The following KDM5C variants were observed in gnomAD, a reference collection of about 807,000 sequenced individuals.
KDM5C encodes lysine demethylase 5C, also known as lysine-specific demethylase 5C.
A neutral mutation model predicts 110.6 loss-of-function variants in KDM5C; 16 were observed. The observed-to-expected ratio is 0.14, with a 90% CI of 0.10 to 0.22. The LOEUF (loss-of-function observed/expected upper bound fraction) is 0.22. KDM5C is among the 10% of genes least tolerant of loss of function. KDM5C has a pLI of 1.00. For missense variants in KDM5C, 681 were observed against 1,300.9 expected (o/e 0.52, Z 7.33); for synonymous variants, 511 against 520.4 (o/e 0.98, Z 0.24).
chrX:53,206,910 C>G (rs191768334), intron 12 of KDM5C, among the ~76,000 whole-genome samples: 1,138 of 93,523 alleles, frequency 0.012, 8 homozygotes, highest in Non-Finnish European at 0.02. Context: ...CACAGTGGCT[C>G]ATGCCTGTAA....
intron 5 of KDM5C, 117 bp downstream of exon 5, chrX:53,217,026 G>A (rs2073762134): frequency 2.2e-6 from 2 of 903,699 alleles, no homozygotes; most frequent in Non-Finnish European, 3.1e-6. Context: ...CTAATGCTCA[G>A]AAGAACTCAG....
At chrX:53,213,780 G>C (rs782731271) in intron 8 of KDM5C, among the ~76,000 whole-genome samples, 1 of 111,492 alleles carries the variant, frequency 9.0e-6, no homozygotes, top group South Asian at 3.7e-4. Context: ...ATTAAACTTA[G>C]TAATATAGAG....
chrX:53,211,473 C>G (rs782413109), intron 10 of KDM5C, 24 bp downstream of exon 10: 6 of 1,204,955 alleles, frequency 5.0e-6, no homozygotes, highest in Non-Finnish European at 6.7e-6. Flanking sequence ...ACAGCTGACA[C>G]GTAACCATGA....
At chrX:53,183,820 G>A (rs1246209584) in intron 25 of KDM5C, among the ~76,000 whole-genome samples, 1 of 111,218 alleles carries the variant, frequency 9.0e-6, no homozygotes, top group Non-Finnish European at 1.9e-5. Flanking sequence ...TGATCTGCCC[G>A]CCTCAGCCTC....
chrX:53,191,866 A>G, downstream of KDM5C: 1 of 175,913 alleles, frequency 5.7e-6, no homozygotes, highest in Non-Finnish European at 1.1e-5. Context: ...TCCCTTTGGG[A>G]GCTTGAGGAG....
downstream of KDM5C, among the ~76,000 whole-genome samples, chrX:53,188,437 G>A (rs111998764): frequency 3.6e-4 from 39 of 108,078 alleles, no homozygotes; most frequent in African/African-American, 9.2e-4. Context: ...GTGCAATGGC[G>A]CGATCTTGGC....
chrX:53,217,738 G>T, intron 4 of KDM5C, 58 bp downstream of exon 4: 1 of 1,152,473 alleles, frequency 8.7e-7, no homozygotes, highest in East Asian at 3.0e-5. Flanking sequence ...TTAAGAGCAA[G>T]TGTGGAAATC....
chrX:53,216,740 G>A (rs1286446209), intron 5 of KDM5C, among the ~76,000 whole-genome samples: 1 of 112,005 alleles, frequency 8.9e-6, no homozygotes, highest in Non-Finnish European at 1.9e-5. Context: ...AGGAGTTCAA[G>A]ATTATAGTGC....
At chrX:53,221,187 G>A (rs1353492103) in intron 1 of KDM5C, among the ~76,000 whole-genome samples, 3 of 108,449 alleles carry the variant, frequency 2.8e-5, no homozygotes, top group Non-Finnish European at 5.7e-5. Context: ...ACAGTGCCAG[G>A]ATTTCAAGAA....
chrX:53,190,877 T>G (rs1489670049), downstream of KDM5C, among the ~76,000 whole-genome samples: 1 of 111,800 alleles, frequency 8.9e-6, no homozygotes, highest in Non-Finnish European at 1.9e-5. Flanking sequence ...AGTGGCAGTG[T>G]GCTAAGCTCC....
chrX:53,176,637 C>G (rs1281753235), intron 25 of KDM5C, among the ~76,000 whole-genome samples: 1 of 111,835 alleles, frequency 8.9e-6, no homozygotes, highest in Non-Finnish European at 1.9e-5. Flanking sequence ...GAAAGGAACT[C>G]AGATAAAAAC....
At chrX:53,177,175 C>G (rs1337009274) in intron 25 of KDM5C, among the ~76,000 whole-genome samples, 1 of 111,465 alleles carries the variant, frequency 9.0e-6, no homozygotes, top group African/African-American at 3.3e-5. Context: ...CTTTCCTTTC[C>G]TTACTGTTCT....
downstream of KDM5C, among the ~76,000 whole-genome samples, chrX:53,186,946 G>T (rs188356810): frequency 1.1e-4 from 12 of 112,560 alleles, no homozygotes; most frequent in Non-Finnish European, 2.3e-4. Context: ...GGAATGGGCA[G>T]AGATATTCAC....
chrX:53,218,607 G>C lies in KDM5C; in HGVS notation c.229-209C>G, dbSNP rs781896932. ...GTTTTTGTTTTTTTGAGACGGTCTT[G>C]CTCTGTCGCCCAAGCTGGAATGGAG... is the stretch of plus-strand genomic sequence containing the variant. On this transcript the variant is annotated intron_variant, in intron 2 of 25. Coordinates refer to ENST00000375401, the MANE Select transcript of KDM5C (RefSeq NM_004187.5). 62 of 486,970 alleles carry C rather than the reference G, an allele frequency of 1.3e-4. No homozygotes were observed. In the East Asian group the frequency reaches 2.0e-3, roughly 15 times the overall value. 40.1% of individuals were successfully genotyped at this position (486,970 alleles called of 1,213,427 possible).
chrX:53,214,964 G>T, intron 7 of KDM5C, 117 bp from the exon 8 acceptor site: 1 of 757,146 alleles, frequency 1.3e-6, no homozygotes, highest in Non-Finnish European at 2.0e-6. Context: ...CTGCACGTAT[G>T]TACCATCTCC....
Position 53,181,272 on chromosome X carries a change from G to C in KDM5C, c.4309-4650C>G, listed in dbSNP as rs1293331035. 2.7e-5 allele frequency among the ~76,000 whole-genome samples: 3 copies of C among 110,991 alleles called. No homozygotes were observed. The Admixed American group carries it at 2.9e-4, about 11-fold the overall frequency. On this transcript the variant is annotated intron_variant, in intron 25 of 25. Coordinates refer to the KDM5C transcript ENST00000685641. ...ATTACAACGCAGGTTGAATTCATAG[G>C]ATCTCCAGGTCTCATATGCAAAAAC... is the stretch of plus-strand genomic sequence containing the variant.
At chrX:53,180,316 G>A (rs1426099218) in intron 25 of KDM5C, among the ~76,000 whole-genome samples, 1 of 111,445 alleles carries the variant, frequency 9.0e-6, no homozygotes, top group South Asian at 3.8e-4. Context: ...GATTTTTAGG[G>A]CAATGAAACT....
At chrX:53,190,160 T>C (rs183549004), downstream of KDM5C, among the ~76,000 whole-genome samples, 72 of 112,412 alleles carry the variant, frequency 6.4e-4, no homozygotes, top group African/African-American at 2.3e-3. Context: ...TCCCCCTCCC[T>C]TTCTAGGGGA....
intron 25 of KDM5C, among the ~76,000 whole-genome samples, chrX:53,177,259 T>C (rs1933908671): frequency 1.8e-5 from 2 of 111,889 alleles, no homozygotes; most frequent in African/African-American, 6.5e-5. Flanking sequence ...TGTATGCCTG[T>C]AGGCCCAGCT....
Sources: allele counts gnomAD v4.1 joint callset (sites outside exome capture counted in the v4.1 genomes callset), GRCh38; gene constraint gnomAD v4.1.1; transcripts MANE v1.5; gene names NCBI Gene and HGNC (gene_info 2026-07-23, HGNC 2026-07-21).